The following ARSB variants were observed in gnomAD, a reference collection of about 807,000 sequenced individuals.
The protein encoded by ARSB is arylsulfatase B.
Under a neutral mutation model 50.9 loss-of-function variants are expected in ARSB, and 41 were observed. The ratio of observed to expected loss-of-function variants is 0.81; its 90% CI spans 0.63 to 1.04. The LOEUF is 1.04. Among genes scored for constraint, ARSB ranks in the 50% least tolerant of loss-of-function variants. The pLI is 0.00. For missense variants in ARSB, 672 were observed against 693.3 expected (o/e 0.97, Z 0.35); for synonymous variants, 269 against 284.8 (o/e 0.94, Z 0.56).
chr5:78,809,894 A>G (rs1456715538), intron 6 of ARSB, among the ~76,000 whole-genome samples: 1 of 152,166 alleles, frequency 6.6e-6, no homozygotes, highest in Non-Finnish European at 1.5e-5. Context: ...TGGGCCACAG[A>G]GAGGAATAGG....
rs1168244490 is a variant in ARSB at position 78,984,995 on chromosome 5, T to C, written c.254A>G (p.Tyr85Cys). 1 of 1,535,642 alleles carries C rather than the reference T, an allele frequency of 6.5e-7. No individual in the cohort carries two copies. The highest frequency in any genetic ancestry group is 8.7e-7 in the Non-Finnish European group (1 of 1,144,588). Residue 85 changes from tyrosine to cysteine, a missense_variant, in exon 1 of 8, where the codon TAC (tyrosine) becomes TGC (cysteine). Transcript: ENST00000264914. ...LAAGGVLLDN[Y>C]YTQPLCTPSR... ...CGGCGTGCACAGCGGCTGCGTGTAG[T>C]AGTTGTCCAGGAGCACCCCGCCGGC... is the stretch of plus-strand genomic sequence containing the variant.
intron 4 of ARSB, among the ~76,000 whole-genome samples, chr5:78,925,589 T>C (rs765273587): frequency 1.3e-5 from 2 of 152,052 alleles, no homozygotes; most frequent in African/African-American, 4.8e-5. Context: ...AAGCACAGGG[T>C]AGAATTTAAG....
chr5:78,853,983 A>G (rs1029359424), intron 5 of ARSB, among the ~76,000 whole-genome samples: 1 of 152,352 alleles, frequency 6.6e-6, no homozygotes, highest in East Asian at 1.9e-4. Flanking sequence ...TTGACTAGGA[A>G]AGGGAACTCC....
At chr5:78,869,215 G>T (rs1746980653) in intron 5 of ARSB, among the ~76,000 whole-genome samples, 1 of 102,546 alleles carries the variant, frequency 9.8e-6, no homozygotes, top group Admixed American at 9.6e-5. Flanking sequence ...TTAATAATGG[G>T]AGACTTCAAT....
intron 4 of ARSB, among the ~76,000 whole-genome samples, 180 bp downstream of exon 4, chr5:78,955,115 A>G (rs1751660924): frequency 6.6e-6 from 1 of 152,238 alleles, no homozygotes; most frequent in Non-Finnish European, 1.5e-5. Context: ...GAACGGGGGA[A>G]GCCCATCATT....
At chr5:78,970,052 C>T (rs777201620) in intron 1 of ARSB, among the ~76,000 whole-genome samples, 1 of 152,188 alleles carries the variant, frequency 6.6e-6, no homozygotes, top group African/African-American at 2.4e-5. Context: ...GAGTGGCTCA[C>T]ACAAGTATGC....
At chr5:78,849,131 G>A (rs1745614035) in intron 5 of ARSB, among the ~76,000 whole-genome samples, 2 of 152,106 alleles carry the variant, frequency 1.3e-5, no homozygotes, top group South Asian at 4.1e-4. Flanking sequence ...TAGACATGAA[G>A]TCCTTGCCCA....
chr5:78,922,447 C>A (rs1446669605), intron 4 of ARSB, among the ~76,000 whole-genome samples: 1 of 151,788 alleles, frequency 6.6e-6, no homozygotes, highest in African/African-American at 2.4e-5. Context: ...ATATCCTGGG[C>A]CAGAAGGGAG....
chr5:78,931,802 G>A (rs902107282), intron 4 of ARSB, among the ~76,000 whole-genome samples: 2 of 152,056 alleles, frequency 1.3e-5, no homozygotes, highest in Non-Finnish European at 2.9e-5. Context: ...TTGAAGAAGG[G>A]ACCTGGTGGG....
At chr5:78,851,309 C>T (rs1298004327) in intron 5 of ARSB, among the ~76,000 whole-genome samples, 9 of 152,276 alleles carry the variant, frequency 5.9e-5, no homozygotes, top group African/African-American at 2.2e-4. Context: ...GCCTTCATTT[C>T]GTTAAGTACC....
Position 78,779,597 on chromosome 5 carries a change from C to G in ARSB, c.*800G>C, listed in dbSNP as rs996301793. On this transcript the variant is annotated 3_prime_UTR_variant, in exon 8 of 8. Transcript: ENST00000264914. Reference sequence around the variant, plus strand: ...AGGCCTCTAGCTTCAGCCCTAGGGGCAAAAGTAAGGCAGGGCTCAGCAGCG... The same window carrying G: ...AGGCCTCTAGCTTCAGCCCTAGGGGGAAAAGTAAGGCAGGGCTCAGCAGCG... 2.6e-5 allele frequency: 4 copies of G among 152,276 alleles called. No homozygotes were observed. The highest frequency in any genetic ancestry group is 5.9e-5 in the Non-Finnish European group (4 of 68,200). 9.4% of individuals were successfully genotyped at this position (152,276 alleles called of 1,614,324 possible). A position where few individuals can be genotyped will look rare whatever the true frequency, so the allele number is the denominator to read the frequency against.
intron 5 of ARSB, among the ~76,000 whole-genome samples, chr5:78,847,118 T>C (rs1745480651): frequency 6.6e-6 from 1 of 152,142 alleles, no homozygotes; most frequent in South Asian, 2.1e-4. Flanking sequence ...TAATGGTGAA[T>C]GATCTTTTAA....
chr5:78,971,620 CG>C (rs1561534699), intron 1 of ARSB, among the ~76,000 whole-genome samples: 1 of 152,000 alleles, frequency 6.6e-6, no homozygotes, highest in Non-Finnish European at 1.5e-5. Flanking sequence ...TTTGTAACCC[CG>C]GGCAGTAACT....
chr5:78,955,105 G>A (rs896010684), intron 4 of ARSB, among the ~76,000 whole-genome samples, 190 bp downstream of exon 4: 1 of 152,228 alleles, frequency 6.6e-6, no homozygotes, highest in African/African-American at 2.4e-5. Flanking sequence ...ATATCTGAGG[G>A]AACGGGGGAA....
At chr5:78,979,024 A>G (rs1342251775) in intron 1 of ARSB, among the ~76,000 whole-genome samples, 1 of 152,254 alleles carries the variant, frequency 6.6e-6, no homozygotes, top group African/African-American at 2.4e-5. Flanking sequence ...GGACACTATC[A>G]GGAAAGTAAA....
intron 1 of ARSB, among the ~76,000 whole-genome samples, chr5:78,975,159 G>C (rs1012361520): frequency 6.6e-6 from 1 of 152,226 alleles, no homozygotes; most frequent in Non-Finnish European, 1.5e-5. Context: ...TCCAGGGAGA[G>C]GCGACCACTG....
rs118203940 is a variant in ARSB at position 78,955,486 on chromosome 5, A to G, written c.707T>C (p.Leu236Pro). The G allele has an allele frequency of 1.9e-6, 3 of 1,614,090 alleles. No homozygotes were observed. Among genetic ancestry groups the G allele is most frequent in the Non-Finnish European group, 2.5e-6 (3 of 1,179,952 alleles). Residue 236 changes from leucine (L) to proline (P), a missense_variant, in exon 4 of 8, where the codon CTT becomes CCT. By Grantham distance (98) the Leu-to-Pro change is moderately conservative (BLOSUM62 -3). Coordinates refer to ENST00000264914, the MANE Select transcript of ARSB (RefSeq NM_000046.5). The part of the protein sequence containing the change: ...HPPEKPLFLY[L>P]ALQSVHEPLQ... ...GGGCTCATGCACAGACTGGAGAGCA[A>G]GGTAGAGAAACAGAGGCTGGAAAGA...
chr5:78,963,843 G>A (rs1357504284), intron 3 of ARSB, among the ~76,000 whole-genome samples: 4 of 152,176 alleles, frequency 2.6e-5, no homozygotes, highest in Admixed American at 2.6e-4. Flanking sequence ...GGGGGAGCTG[G>A]CATATAGAAA....
chr5:78,838,955 C>T (rs540702523), intron 6 of ARSB, among the ~76,000 whole-genome samples: 48 of 152,272 alleles, frequency 3.2e-4, no homozygotes, highest in African/African-American at 9.1e-4. Flanking sequence ...CTACCTGGAA[C>T]CCAACTGTGG....
Sources: allele counts gnomAD v4.1 joint callset (sites outside exome capture counted in the v4.1 genomes callset), GRCh38; gene constraint gnomAD v4.1.1; transcripts MANE v1.5; gene names NCBI Gene and HGNC (gene_info 2026-07-23, HGNC 2026-07-21).